Variants in DIPK2B observed in about 807,000 individuals in gnomAD.
DIPK2B encodes UPF0672 protein CXorf36.
In DIPK2B, 15 loss-of-function variants were observed where a neutral mutation model predicts 22.2. That is an observed-to-expected ratio of 0.68 (90% CI 0.45 to 1.04). DIPK2B has a LOEUF of 1.04. DIPK2B is among the 50% of genes least tolerant of loss of function. The probability of loss-of-function intolerance (pLI) is 0.00; values close to 1 mark genes in which losing one functional copy is unlikely to be tolerated. For synonymous variants in DIPK2B, 163 were observed against 153.2 expected (o/e 1.06, Z -0.47); for missense variants, 345 against 348.3 (o/e 0.99, Z 0.08).
chrX:45,190,025 T>C (rs1203345269), intron 2 of DIPK2B, among the ~76,000 whole-genome samples: 2 of 112,125 alleles, frequency 1.8e-5, no homozygotes, highest in Non-Finnish European at 3.8e-5. Flanking sequence ...TAATGCAAGA[T>C]GACAAAATTG....
At chrX:45,167,560 T>C (rs1208555192) in intron 2 of DIPK2B, among the ~76,000 whole-genome samples, 1 of 104,230 alleles carries the variant, frequency 9.6e-6, no homozygotes, top group Admixed American at 1.0e-4. Flanking sequence ...CTACAGTACA[T>C]GAATTTTTTT....
intron 2 of DIPK2B, among the ~76,000 whole-genome samples, chrX:45,178,293 T>C (rs1053964475): frequency 8.9e-6 from 1 of 112,341 alleles, no homozygotes; most frequent in African/African-American, 3.2e-5. Flanking sequence ...TTAAGAAAGA[T>C]GGCTTTAATA....
intron 3 of DIPK2B, among the ~76,000 whole-genome samples, chrX:45,157,135 A>T (rs2046999742): frequency 9.1e-6 from 1 of 110,419 alleles, no homozygotes; most frequent in Admixed American, 9.7e-5. Flanking sequence ...TGGGCTCCAC[A>T]TATTTTATGG....
chrX:45,189,468 C>T lies in DIPK2B; in HGVS notation c.498+2283G>A, dbSNP rs2047199821. Among the ~76,000 whole-genome samples the T allele has an allele frequency of 4.5e-5, 5 of 111,131 alleles. No individual in the cohort carries two copies. The South Asian group carries it at 1.9e-3, about 42-fold the overall frequency. ...GTCTCTACTAAAAATACAAAAATTA[C>T]CCGGGTGTGGTGGCGGCACCTGTAA... On this transcript the variant is annotated intron_variant, in intron 2 of 4. Transcript: ENST00000398000.
chrX:45,183,668 G>A (rs1202151820), intron 2 of DIPK2B, among the ~76,000 whole-genome samples: 1 of 111,599 alleles, frequency 9.0e-6, no homozygotes, highest in African/African-American at 3.3e-5. Context: ...TTTTTAATCA[G>A]AGAAATTCAA....
chrX:45,192,768 G>C (rs1314372714), intron 1 of DIPK2B, among the ~76,000 whole-genome samples: 5 of 111,354 alleles, frequency 4.5e-5, no homozygotes, highest in Non-Finnish European at 3.8e-5. Context: ...CTGGGGGAGA[G>C]GCATTGGCTT....
At chrX:45,177,324 G>A (rs2047124238) in intron 2 of DIPK2B, among the ~76,000 whole-genome samples, 1 of 109,797 alleles carries the variant, frequency 9.1e-6, no homozygotes, top group Non-Finnish European at 1.9e-5. Flanking sequence ...AAAGAAAAAA[G>A]GAAAAGAAAT....
intron 2 of DIPK2B, among the ~76,000 whole-genome samples, chrX:45,173,875 C>A (rs1177321889): frequency 9.0e-6 from 1 of 111,279 alleles, no homozygotes; most frequent in East Asian, 2.8e-4. Context: ...TGGGCCTGAA[C>A]CTCCTTTCTA....
Position 45,200,671 on chromosome X carries a change from C to G in DIPK2B, c.156G>C (p.Arg52Ser). The G allele has an allele frequency of 8.2e-7, 1 of 1,212,473 alleles. No individual in the cohort carries two copies. Among genetic ancestry groups the G allele is most frequent in the Non-Finnish European group, 1.1e-6 (1 of 895,652 alleles). The part of the protein sequence containing the change: ...PQVRTSYNFG[R>S]TFLGLDKCNA... ...TGCATTTATCAAGACCGAGGAAAGT[C>G]CTTCCAAAATTGTAGCTGGTTCTGA... The change falls in exon 1 of 5, where the codon AGG becomes AGC. Residue 52 changes from arginine (R) to serine (S), a missense_variant. Arg to Ser is a moderately radical substitution (Grantham distance 110, BLOSUM62 -1). Transcript: ENST00000398000.
intron 4 of DIPK2B, among the ~76,000 whole-genome samples, chrX:45,153,555 A>AAGAG: frequency 3.1e-5 from 1 of 32,521 alleles, no homozygotes; most frequent in South Asian, 1.4e-3. Context: ...GAGAGTGAGA[A>AAGAG]AGAGAGAGAG....
intron 2 of DIPK2B, among the ~76,000 whole-genome samples, chrX:45,182,809 A>G (rs2047162361): frequency 8.9e-6 from 1 of 112,767 alleles, no homozygotes; most frequent in African/African-American, 3.2e-5. Flanking sequence ...GGTAAAACTA[A>G]TCCATGGTGA....
chrX:45,184,930 A>AT lies in DIPK2B; in HGVS notation c.498+6820dup, dbSNP rs781676199. Reference sequence around the variant, plus strand: ...AATGTTTTTACATTTCTGCTTTGGTATTTTTTTTTCCTATTATAGTTAATG... The same window carrying AT: ...AATGTTTTTACATTTCTGCTTTGGTATTTTTTTTTTCCTATTATAGTTAATG... On this transcript the variant is annotated intron_variant, in intron 2 of 4. Transcript: ENST00000398000. Among the ~76,000 whole-genome samples the AT allele has an allele frequency of 8.3e-3, 918 of 110,241 alleles. 11 individuals are homozygous for AT. Among genetic ancestry groups the AT allele is most frequent in the African/African-American group, 0.029 (873 of 30,366 alleles).
rs2046957982 is a variant in DIPK2B at position 45,150,971 on chromosome X, T to C, written c.*681A>G. Reference sequence around the variant, plus strand: ...CATTGGTCCCCCGCCGGCCCCCCTTTATCTTCTTACCCCTGGCTTCTTCCC... The same window carrying C: ...CATTGGTCCCCCGCCGGCCCCCCTTCATCTTCTTACCCCTGGCTTCTTCCC... On this transcript the variant is annotated 3_prime_UTR_variant, in exon 5 of 5. Transcript: ENST00000398000. 1 of 111,151 alleles carries C rather than the reference T, an allele frequency of 9.0e-6. No individual in the cohort carries two copies. Among genetic ancestry groups the C allele is most frequent in the African/African-American group, 3.3e-5 (1 of 30,547 alleles). The allele number at this position is 111,151 out of a possible 1,213,427, so 9.2% of individuals were successfully genotyped here.
intron 2 of DIPK2B, among the ~76,000 whole-genome samples, chrX:45,186,165 AT>A (rs1569545340): frequency 8.9e-6 from 1 of 112,041 alleles, no homozygotes. Flanking sequence ...AATAAATTAG[AT>A]GATTCAAAAT....
At chrX:45,185,819 A>AT (rs1470329976) in intron 2 of DIPK2B, among the ~76,000 whole-genome samples, 1 of 108,437 alleles carries the variant, frequency 9.2e-6, no homozygotes, top group Non-Finnish European at 1.9e-5. Flanking sequence ...CGCCTGGCTA[A>AT]TTTTTTGTAT....
intron 2 of DIPK2B, among the ~76,000 whole-genome samples, chrX:45,187,641 G>A (rs1476144690): frequency 9.0e-6 from 1 of 111,672 alleles, no homozygotes; most frequent in Admixed American, 9.5e-5. Context: ...CAGGAGGGGA[G>A]CCCGGGACTC....
At chrX:45,197,550 TA>T (rs1158873218) in intron 1 of DIPK2B, among the ~76,000 whole-genome samples, 1 of 111,856 alleles carries the variant, frequency 8.9e-6, no homozygotes, top group Non-Finnish European at 1.9e-5. Flanking sequence ...ATCACTTTTT[TA>T]AAGTGGGAAA....
In DIPK2B at chrX:45,186,876, C is replaced by T. The variant is rs142944754; in HGVS notation, c.498+4875G>A. ...GCACAGGTCCTATAACCATCCCTTA[C>T]ATATTTTTGAGTTACATTTAAACAA... On this transcript the variant is annotated intron_variant, in intron 2 of 4. Coordinates refer to ENST00000398000, the MANE Select transcript of DIPK2B (RefSeq NM_176819.4). Among the ~76,000 whole-genome samples the T allele has an allele frequency of 3.8e-4, 43 of 112,381 alleles. 1 individual carries two copies. In the East Asian group the frequency reaches 0.012, roughly 32 times the overall value.
chrX:45,189,585 C>G (rs1042838739), intron 2 of DIPK2B, among the ~76,000 whole-genome samples: 1 of 108,213 alleles, frequency 9.2e-6, no homozygotes, highest in Non-Finnish European at 1.9e-5. Context: ...TGCACTCCAG[C>G]CGGGGTGACA....
Sources: gnomAD v4.1 joint callset for allele counts (sites outside exome capture counted in the v4.1 genomes callset) on GRCh38, gnomAD v4.1.1 for gene constraint, MANE v1.5 for transcripts, NCBI Gene and HGNC (gene_info 2026-07-23, HGNC 2026-07-21) for gene names.